ANKRD16: variants seen among roughly 807,000 people sequenced by gnomAD.
ANKRD16 encodes ankyrin repeat domain-containing protein 16.
Under a neutral mutation model 37.9 loss-of-function variants are expected in ANKRD16, and 35 were observed. The observed-to-expected ratio is 0.92, with a 90% CI of 0.71 to 1.23. The LOEUF (loss-of-function observed/expected upper bound fraction) is 1.23, where lower values mean the gene tolerates loss of function less well. Ranked by LOEUF, ANKRD16 falls within the 50% of genes most tolerant of loss-of-function variation. The probability of loss-of-function intolerance (pLI) is 0.00; values close to 1 mark genes in which losing one functional copy is unlikely to be tolerated. For missense variants in ANKRD16, 480 were observed against 469.9 expected (o/e 1.02, Z -0.20); for synonymous variants, 206 against 197.2 (o/e 1.04, Z -0.37).
rs1842057420 is a variant in ANKRD16, at chr10:5,869,443, G to C, written c.*34-6752C>G. Among the ~76,000 whole-genome samples, 1 of 152,158 alleles carries C rather than the reference G, an allele frequency of 6.6e-6. No individual in the cohort carries two copies. Among genetic ancestry groups the C allele is most frequent in the Admixed American group, 6.5e-5 (1 of 15,278 alleles). The stretch of plus-strand genomic sequence containing the variant: ...TGTGTCCAGCAAGGTGGGGGCCTGA[G>C]AAGCACTGCCCAGGCCTTTGCTCCC... On this transcript the variant is annotated intron_variant, in intron 7 of 7. Coordinates refer to ENST00000380094, the MANE Select transcript of ANKRD16 (RefSeq NM_019046.3). This position sits in a 1 kb window ranked among gnomAD's most constrained non-coding sequence, Gnocchi z 4.0.
rs1476621447 is a variant in ANKRD16 at position 5,889,494 on chromosome 10, C to A, written c.-140G>T. ...GCGCCCCGAACCCGGCAGAACCGCC[C>A]CTCACGCCCCCGGCTTTGTCCCCGG... On this transcript the variant is annotated 5_prime_UTR_variant, in exon 1 of 8. Transcript: ENST00000380094. 2.0e-6 allele frequency: 1 copy of A among 503,614 alleles called. No homozygotes were observed. Among genetic ancestry groups the A allele is most frequent in the Non-Finnish European group, 2.8e-6 (1 of 357,136 alleles). 31.2% of individuals were successfully genotyped at this position (503,614 alleles called of 1,614,324 possible). A position where few individuals can be genotyped will look rare whatever the true frequency, so the allele number is the denominator to read the frequency against.
chr10:5,882,430 T>A lies in ANKRD16; in HGVS notation c.849+576A>T, dbSNP rs544594114. Among the ~76,000 whole-genome samples, 3 of 148,098 alleles carry A rather than the reference T, an allele frequency of 2.0e-5. No individual in the cohort carries two copies. In the South Asian group the frequency reaches 6.4e-4, roughly 31 times the overall value. ...GGTGGCAGGCACCTGTAATCCAGCC[T>A]GGGCAAAAAAGCAAGACTTTATCTC... On this transcript the variant is annotated intron_variant, in intron 5 of 7. Transcript: ENST00000380094.
chr10:5,875,113 G>C (rs993470189), intron 7 of ANKRD16, among the ~76,000 whole-genome samples: 2 of 152,112 alleles, frequency 1.3e-5, no homozygotes, highest in Admixed American at 6.6e-5. Context: ...CAGACTGCGG[G>C]GGGTGGGAGG....
At chr10:5,880,818 T>A (rs1469986222) in intron 5 of ANKRD16, among the ~76,000 whole-genome samples, 1 of 152,250 alleles carries the variant, frequency 6.6e-6, no homozygotes, top group African/African-American at 2.4e-5. Flanking sequence ...CAGCTTAATT[T>A]TTTTTCTTTT....
chr10:5,887,939 C>T lies in ANKRD16; in HGVS notation c.443G>A (p.Gly148Asp). Residue 148 changes from glycine (G) to aspartate (D), a missense_variant, in exon 2 of 8, where the codon GGC (glycine) becomes GAC (aspartate). Physicochemically the swap from Gly to Asp is moderately conservative, Grantham distance 94. Coordinates refer to ENST00000380094, the MANE Select transcript of ANKRD16 (RefSeq NM_019046.3). ...CAGGTACTGGAGGATCAGAGGGTCG[C>T]CTTCTCGACTGGCAATGTGGAAACT... ...WNSFHIASREGDPLILQYLLT... is the reference protein window; with the variant it reads ...WNSFHIASREDDPLILQYLLT... 6.2e-7 allele frequency: 1 copy of T among 1,614,214 alleles called. No homozygotes were observed. Among genetic ancestry groups the T allele is most frequent in the Non-Finnish European group, 8.5e-7 (1 of 1,180,024 alleles).
At position 5,865,324 on chromosome 10, in the gene ANKRD16, T is replaced by C. The variant is rs1167658479; in HGVS notation, c.*34-2633A>G. ...GTGCACTGCCCCAGAGGACAAAGGT[T>C]CTCTGGGCCAGAAGCCCCCAACCAG... is the stretch of plus-strand genomic sequence containing the variant. On this transcript the variant is annotated intron_variant, in intron 7 of 7. Transcript: ENST00000380094. The surrounding 1 kb of genome is among the most constrained non-coding windows in gnomAD (Gnocchi z 4.7). 6.6e-6 allele frequency among the ~76,000 whole-genome samples: 1 copy of C among 152,142 alleles called. No individual in the cohort carries two copies. Among genetic ancestry groups the C allele is most frequent in the East Asian group, 1.9e-4 (1 of 5,188 alleles).
rs1842089785 is a variant in ANKRD16, at chr10:5,871,515, C to A, written c.*33+6582G>T. Among the ~76,000 whole-genome samples the A allele has an allele frequency of 6.6e-6, 1 of 152,206 alleles. No individual in the cohort carries two copies. Among genetic ancestry groups the A allele is most frequent in the African/African-American group, 2.4e-5 (1 of 41,448 alleles). Reference sequence around the variant, plus strand: ...ATGTAAGTCCACATTATTATCCATTCTTGTAGGAAACGTAATAAATGTGCT... The same window carrying A: ...ATGTAAGTCCACATTATTATCCATTATTGTAGGAAACGTAATAAATGTGCT... On this transcript the variant is annotated intron_variant, in intron 7 of 7. Transcript: ENST00000380094. The surrounding 1 kb of genome is among the most constrained non-coding windows in gnomAD (Gnocchi z 4.5).
intron 1 of ANKRD16, among the ~76,000 whole-genome samples, chr10:5,888,745 A>T (rs1011857400): frequency 1.2e-4 from 18 of 152,262 alleles, no homozygotes; most frequent in Admixed American, 1.2e-3. Flanking sequence ...TGTATAGTGC[A>T]CACACTTCAT....
At chr10:5,888,360 C>T (rs2131785731) in intron 1 of ANKRD16, among the ~76,000 whole-genome samples, 1 of 152,316 alleles carries the variant, frequency 6.6e-6, no homozygotes, top group Non-Finnish European at 1.5e-5. Context: ...TGGAGCAGAG[C>T]TAAGAAAACC....
chr10:5,884,581 A>G (rs552156190), intron 3 of ANKRD16, among the ~76,000 whole-genome samples: 2 of 151,948 alleles, frequency 1.3e-5, no homozygotes, highest in South Asian at 4.2e-4. Context: ...AAATATAAAA[A>G]ATTAGCCAGG....
At position 5,866,428 on chromosome 10, in the gene ANKRD16, A is replaced by T. The variant is rs1842014943; in HGVS notation, c.*34-3737T>A. On this transcript the variant is annotated intron_variant, in intron 7 of 7. Transcript: ENST00000380094. This position sits in a 1 kb window ranked among gnomAD's most constrained non-coding sequence, Gnocchi z 4.3. ...AGTGATGTAACAGTACTTGAAAGTAAGTCTCTTCCCCAGGGACCAGTGCCC... is the reference window on the plus strand; with the variant it reads ...AGTGATGTAACAGTACTTGAAAGTATGTCTCTTCCCCAGGGACCAGTGCCC... Among the ~76,000 whole-genome samples the T allele has an allele frequency of 6.6e-6, 1 of 152,242 alleles. No individual in the cohort carries two copies. Among genetic ancestry groups the T allele is most frequent in the South Asian group, 2.1e-4 (1 of 4,832 alleles).
In ANKRD16 at chr10:5,863,730, T is replaced by C. The variant is rs1292777994; in HGVS notation, c.*34-1039A>G. On this transcript the variant is annotated intron_variant, in intron 7 of 7. Transcript: ENST00000380094. This position sits in a 1 kb window ranked among gnomAD's most constrained non-coding sequence, Gnocchi z 4.7. ...AGAGCCATAACACTCACCGTGAGGG[T>C]CTGCGGCTTCATTCCTGAAGTCAGC... is the stretch of plus-strand genomic sequence containing the variant. 6.6e-6 allele frequency among the ~76,000 whole-genome samples: 1 copy of C among 152,028 alleles called. No homozygotes were observed. Among genetic ancestry groups the C allele is most frequent in the African/African-American group, 2.4e-5 (1 of 41,340 alleles).
rs973363537 is a variant in ANKRD16, at chr10:5,878,898, T to G, written c.929-611A>C. Among the ~76,000 whole-genome samples, 2 of 152,190 alleles carry G rather than the reference T, an allele frequency of 1.3e-5. No individual in the cohort carries two copies. The highest frequency in any genetic ancestry group is 2.9e-5 in the Non-Finnish European group (2 of 68,024). On this transcript the variant is annotated intron_variant, in intron 6 of 7. Transcript: ENST00000380094. This position sits in a 1 kb window ranked among gnomAD's most constrained non-coding sequence, Gnocchi z 5.1. ...CGCCTGAATGCTCTGGAAACACACT[T>G]TAAATGGTACAAAAAACTTTCTAAA...
Position 5,871,085 on chromosome 10 carries a change from C to T in ANKRD16, c.*33+7012G>A, listed in dbSNP as rs922493327. On this transcript the variant is annotated intron_variant, in intron 7 of 7. Coordinates refer to ENST00000380094, the MANE Select transcript of ANKRD16 (RefSeq NM_019046.3). This position sits in a 1 kb window ranked among gnomAD's most constrained non-coding sequence, Gnocchi z 4.5. ...CCTCACTCCCATCTTGTTTCCTTCT[C>T]AGTAAAAATCATGTCACGCAGCCAG... Among the ~76,000 whole-genome samples, 2 of 152,088 alleles carry T rather than the reference C, an allele frequency of 1.3e-5. No homozygotes were observed. The highest frequency in any genetic ancestry group is 2.9e-5 in the Non-Finnish European group (2 of 68,012).
In ANKRD16 at chr10:5,861,997, G is replaced by A. The variant is rs1841949468; in HGVS notation, c.*728C>T. The A allele has an allele frequency of 6.4e-6, 1 of 155,856 alleles. No homozygotes were observed. The allele number at this position is 155,856 out of a possible 1,614,324, so 9.7% of individuals were successfully genotyped here. On this transcript the variant is annotated 3_prime_UTR_variant, in exon 8 of 8. Coordinates refer to ENST00000380094, the MANE Select transcript of ANKRD16 (RefSeq NM_019046.3). ...GCTCACTGCAAGCTCTGCCTCCAGG[G>A]TTCACAGCATTCTCCTGCCTCAGCC...
intron 3 of ANKRD16, 83 bp downstream of exon 3, chr10:5,885,640 G>A (rs1358472050): frequency 4.1e-6 from 6 of 1,464,510 alleles, no homozygotes; most frequent in Non-Finnish European, 5.7e-6. Context: ...TTAAAAATGT[G>A]TCTGAGCTCT....
At position 5,887,374 on chromosome 10, in the gene ANKRD16, C is replaced by CTT. The variant is rs34678785; in HGVS notation, c.535+471_535+472dup. Among the ~76,000 whole-genome samples the CTT allele has an allele frequency of 7.1e-3, 978 of 137,764 alleles. 8 individuals carry two copies. The highest frequency in any genetic ancestry group is 0.016 in the African/African-American group (585 of 36,926). The allele number at this position is 137,764 out of a possible 152,430, so 90.4% of individuals were successfully genotyped here. A position where few individuals can be genotyped will look rare whatever the true frequency, so the allele number is the denominator to read the frequency against. Reference sequence around the variant, plus strand: ...TTATATGCCAAAAGGCCCCTAGATGCTTTTTTTTTTTTTTTGAGATGGAGT... The same window carrying CTT: ...TTATATGCCAAAAGGCCCCTAGATGCTTTTTTTTTTTTTTTTTGAGATGGAGT... On this transcript the variant is annotated intron_variant, in intron 2 of 7. Transcript: ENST00000380094.
Position 5,882,996 on chromosome 10 carries a change from A to G in ANKRD16, c.849+10T>C. On this transcript the variant is annotated intron_variant, in intron 5 of 7. Transcript: ENST00000380094. ...GGGAAGCTCGGACAACGTTATAAGA[A>G]GTAACAAACCTTAGCTGCATAATGA... 6.2e-7 allele frequency: 1 copy of G among 1,612,048 alleles called. No individual in the cohort carries two copies. The highest frequency in any genetic ancestry group is 8.5e-7 in the Non-Finnish European group (1 of 1,179,798).
At chr10:5,886,515 T>A (rs1589026442) in intron 2 of ANKRD16, among the ~76,000 whole-genome samples, 1 of 152,134 alleles carries the variant, frequency 6.6e-6, no homozygotes, top group East Asian at 1.9e-4. Context: ...TGCTTGAACC[T>A]GCGAGGCAGA....
Sources: gnomAD v4.1 joint callset for allele counts (sites outside exome capture counted in the v4.1 genomes callset) on GRCh38, gnomAD v4.1.1 for gene constraint, Gnocchi (gnomAD v3.1) non-coding constraint, MANE v1.5 for transcripts, NCBI Gene and HGNC (gene_info 2026-07-23, HGNC 2026-07-21) for gene names.